Variants in TMEM229B observed in about 807,000 individuals in gnomAD.
The protein encoded by TMEM229B is transmembrane protein 229B.
TMEM229B carries 6 observed loss-of-function variants against 13.7 expected under a neutral mutation model. That is an observed-to-expected ratio of 0.44 (90% CI 0.24 to 0.86). The LOEUF (loss-of-function observed/expected upper bound fraction) is 0.86. Ranked by LOEUF, TMEM229B falls within the 40% of genes least tolerant of loss-of-function variation. The pLI, the probability that TMEM229B is intolerant of heterozygous loss-of-function variation, is 0.23. For synonymous variants in TMEM229B, 107 were observed against 102.1 expected, an observed-to-expected ratio of 1.05 and a Z score of -0.29; for missense variants, 170 against 236.0, an observed-to-expected ratio of 0.72 and a Z score of 1.83.
chr14:67,531,631 G>T (rs1265044857), intron 1 of TMEM229B, among the ~76,000 whole-genome samples: 1 of 151,594 alleles, frequency 6.6e-6, no homozygotes, highest in African/African-American at 2.4e-5. Flanking sequence ...AATGAGTTCT[G>T]GGCCGAGGTG....
intron 1 of TMEM229B, among the ~76,000 whole-genome samples, chr14:67,523,322 C>CAA (rs11328089): frequency 5.3e-4 from 68 of 128,784 alleles, no homozygotes; most frequent in Admixed American, 1.9e-3. Flanking sequence ...GACTCCATCT[C>CAA]AAAAAAAAAA....
intron 1 of TMEM229B, among the ~76,000 whole-genome samples, chr14:67,509,895 T>C (rs1385046884): frequency 6.6e-6 from 1 of 151,984 alleles, no homozygotes; most frequent in East Asian, 1.9e-4. Flanking sequence ...CACATGCCTG[T>C]AGTCCTAGGG....
At position 67,473,982 on chromosome 14, in the gene TMEM229B, G is replaced by C. The variant is rs969590787; in HGVS notation, c.-18-41C>G. On this transcript the variant is annotated intron_variant, in intron 2 of 2. Coordinates refer to ENST00000554480, the MANE Select transcript of TMEM229B (RefSeq NM_001348543.2). This position sits in a 1 kb window ranked among gnomAD's most constrained non-coding sequence, Gnocchi z 6.5. ...GAGAGACAGGTGAGGGCCGGGCGCG[G>C]TGGCTCACGCCTATAATCCCTGCGC... 1 of 1,519,084 alleles carries C rather than the reference G, an allele frequency of 6.6e-7. No homozygotes were observed. Among genetic ancestry groups the C allele is most frequent in the East Asian group, 2.4e-5 (1 of 42,154 alleles). 94.1% of individuals were successfully genotyped at this position (1,519,084 alleles called of 1,614,324 possible).
At position 67,471,559 on chromosome 14, in the gene TMEM229B, A is replaced by G. The variant is rs1316032; in HGVS notation, c.*1861T>C. 5,474 of 152,302 alleles carry G rather than the reference A, an allele frequency of 0.036. 100 individuals are homozygous for G. The highest frequency in any genetic ancestry group is 0.051 in the Middle Eastern group (15 of 294). 9.4% of individuals were successfully genotyped at this position (152,302 alleles called of 1,614,324 possible). ...CCCCCAAAGCCCTGGAATTGGGGCC[A>G]CAATAAAATCAAAAGGAGGGCTGGC... On this transcript the variant is annotated 3_prime_UTR_variant, in exon 3 of 3. Transcript: ENST00000554480.
chr14:67,473,801 G>A lies in TMEM229B; in HGVS notation c.123C>T (p.Phe41=), dbSNP rs375555052. 2.5e-6 allele frequency: 4 copies of A among 1,613,906 alleles called. No individual in the cohort carries two copies. The highest frequency in any genetic ancestry group is 1.7e-6 in the Non-Finnish European group (2 of 1,179,944). The stretch of plus-strand genomic sequence containing the variant: ...GGGCCCACACGCTCGTGACCCCAGG[G>A]AACTTCCAGTTCAAGTTCACCACGA... ...WEFVVNLNWK[F]PGVTSVWALF... Residue 41 remains phenylalanine, a synonymous_variant, in exon 3 of 3, where the codon TTC becomes TTT. Transcript: ENST00000554480. This position sits in a 1 kb window ranked among gnomAD's most constrained non-coding sequence, Gnocchi z 6.5.
chr14:67,478,030 T>C (rs888716837), intron 2 of TMEM229B, among the ~76,000 whole-genome samples: 2 of 152,222 alleles, frequency 1.3e-5, no homozygotes, highest in African/African-American at 4.8e-5. Context: ...AATAAAGACA[T>C]TTCTTAGTTA....
rs902892115 is a variant in TMEM229B, at chr14:67,473,582, G to A, written c.342C>T (p.Gly114=). ...DYSQFDFDFM[G]LITLEYAVPW... is the part of the protein sequence containing the mutation. ...GCACGGCGTACTCCAGGGTGATGAG[G>A]CCCATGAAGTCAAAGTCGAACTGGG... Residue 114 remains glycine (G), a synonymous_variant, in exon 3 of 3, where the codon GGC becomes GGT. Coordinates refer to ENST00000554480, the MANE Select transcript of TMEM229B (RefSeq NM_001348543.2). This position sits in a 1 kb window ranked among gnomAD's most constrained non-coding sequence, Gnocchi z 6.5. 5 of 1,611,380 alleles carry A rather than the reference G, an allele frequency of 3.1e-6. No homozygotes were observed. Among genetic ancestry groups the A allele is most frequent in the South Asian group, 2.2e-5 (2 of 90,672 alleles).
intron 1 of TMEM229B, among the ~76,000 whole-genome samples, chr14:67,527,179 G>T (rs2033380736): frequency 6.6e-6 from 1 of 152,186 alleles, no homozygotes; most frequent in South Asian, 2.1e-4. Flanking sequence ...GTGGCTAAAG[G>T]CGTGGTCTTT....
intron 2 of TMEM229B, among the ~76,000 whole-genome samples, chr14:67,481,651 T>C (rs929437413): frequency 6.6e-6 from 1 of 152,226 alleles, no homozygotes; most frequent in South Asian, 2.1e-4. Flanking sequence ...AACCCATTTC[T>C]AATCAGCACA....
intron 1 of TMEM229B, among the ~76,000 whole-genome samples, chr14:67,507,236 C>G (rs564136065): frequency 2.6e-5 from 4 of 152,228 alleles, no homozygotes; most frequent in African/African-American, 9.6e-5. Flanking sequence ...ACAGTCCTAG[C>G]TACTTGGGAG....
chr14:67,505,262 G>C (rs75702789), intron 1 of TMEM229B, among the ~76,000 whole-genome samples: 1,746 of 152,260 alleles, frequency 0.011, 46 homozygotes, highest in African/African-American at 0.04. Flanking sequence ...GTTGCTGTTA[G>C]TGTGCTGTGA....
intron 2 of TMEM229B, among the ~76,000 whole-genome samples, chr14:67,481,696 G>A (rs1024200892): frequency 2.0e-5 from 3 of 152,188 alleles, no homozygotes; most frequent in Middle Eastern, 3.4e-3. Context: ...GGACAGGCTC[G>A]CCCACCCCAT....
Position 67,531,102 on chromosome 14 carries a change from T to C in TMEM229B, c.-192+2534A>G, listed in dbSNP as rs2033436513. Among the ~76,000 whole-genome samples the C allele has an allele frequency of 4.6e-5, 7 of 152,166 alleles. No homozygotes were observed. In the South Asian group the frequency reaches 1.4e-3, roughly 32 times the overall value. The stretch of plus-strand genomic sequence containing the variant: ...CCTCCATTCTCCTTTGTCAGGTCAC[T>C]TGTAATAATAAGCTAATATCCAAAG... On this transcript the variant is annotated intron_variant, in intron 1 of 2. Coordinates refer to the TMEM229B transcript ENST00000554278.
chr14:67,530,095 G>A (rs8006472), intron 1 of TMEM229B, among the ~76,000 whole-genome samples: 20 of 152,294 alleles, frequency 1.3e-4, no homozygotes, highest in African/African-American at 4.3e-4. Context: ...AGTTATTCCT[G>A]TCTCTCAAGC....
intron 1 of TMEM229B, among the ~76,000 whole-genome samples, chr14:67,532,927 TC>T (rs941373986): frequency 5.9e-5 from 9 of 151,672 alleles, no homozygotes; most frequent in African/African-American, 2.2e-4. Context: ...CCCGGGGCGC[TC>T]TGGCCACCCC....
intron 2 of TMEM229B, among the ~76,000 whole-genome samples, chr14:67,474,358 T>TA (rs1175140761): frequency 1.3e-5 from 2 of 152,154 alleles, no homozygotes; most frequent in Admixed American, 6.5e-5. Flanking sequence ...GAGGTGTCTG[T>TA]ACTCCCTAGA....
intron 2 of TMEM229B, among the ~76,000 whole-genome samples, chr14:67,486,552 C>T (rs890080121): frequency 1.3e-5 from 2 of 152,154 alleles, no homozygotes; most frequent in South Asian, 2.1e-4. Context: ...GGATTACAGG[C>T]GTGAGCCACA....
chr14:67,493,630 C>T (rs190156795), upstream of TMEM229B, among the ~76,000 whole-genome samples: 9 of 152,244 alleles, frequency 5.9e-5, no homozygotes, highest in African/African-American at 2.2e-4. Context: ...GCTGTCAATA[C>T]CCTGCCTGTT....
chr14:67,493,857 C>T (rs1209715902), intron 1 of TMEM229B, among the ~76,000 whole-genome samples: 1 of 152,138 alleles, frequency 6.6e-6, no homozygotes, highest in African/African-American at 2.4e-5. Flanking sequence ...AGGCCAGGGG[C>T]AGTGGCTCAC....
Sources: gnomAD v4.1 joint callset for allele counts (sites outside exome capture counted in the v4.1 genomes callset) on GRCh38, gnomAD v4.1.1 for gene constraint, Gnocchi (gnomAD v3.1) non-coding constraint, MANE v1.5 for transcripts, NCBI Gene and HGNC (gene_info 2026-07-23, HGNC 2026-07-21) for gene names.